The following TOX variants were observed in gnomAD, a reference collection of about 807,000 sequenced individuals.
TOX encodes the protein thymocyte selection associated high mobility group box.
TOX carries 11 observed loss-of-function variants against 53.7 expected under a neutral mutation model. The ratio of observed to expected loss-of-function variants is 0.20; its 90% CI spans 0.13 to 0.34. The LOEUF (loss-of-function observed/expected upper bound fraction) is 0.34, where lower values mean the gene tolerates loss of function less well. TOX is among the 10% of genes least tolerant of loss of function. The pLI, the probability that TOX is intolerant of heterozygous loss-of-function variation, is 1.00. For synonymous variants in TOX, 225 were observed against 245.3 expected (o/e 0.92, Z 0.77); for missense variants, 570 against 664.6 (o/e 0.86, Z 1.56).
intron 2 of TOX, among the ~76,000 whole-genome samples, chr8:58,956,638 G>T (rs1246650525): frequency 1.3e-5 from 2 of 152,140 alleles, no homozygotes; most frequent in African/African-American, 4.8e-5. Context: ...ATCTTGCTCT[G>T]TTGCCCAGGC....
intron 3 of TOX, among the ~76,000 whole-genome samples, chr8:58,901,792 A>G (rs888221468): frequency 2.0e-5 from 3 of 152,182 alleles, no homozygotes; most frequent in Admixed American, 1.3e-4. Flanking sequence ...GTTTATAAAT[A>G]TGTGGTACAT....
chr8:59,054,817 G>A (rs1271487377), intron 1 of TOX, among the ~76,000 whole-genome samples: 1 of 126,940 alleles, frequency 7.9e-6, no homozygotes, highest in Non-Finnish European at 1.7e-5. Context: ...AGAGAAGGAA[G>A]AAAGAGAGAA....
intron 3 of TOX, among the ~76,000 whole-genome samples, chr8:58,937,929 T>C (rs1812373939): frequency 6.6e-6 from 1 of 152,148 alleles, no homozygotes; most frequent in Admixed American, 6.5e-5. Flanking sequence ...TACACTGAAA[T>C]ACATTTTTCA....
chr8:58,894,989 A>G (rs1585885956), intron 3 of TOX, among the ~76,000 whole-genome samples: 1 of 152,070 alleles, frequency 6.6e-6, no homozygotes, highest in Admixed American at 6.5e-5. Context: ...GGAGTTTGAG[A>G]CCAGCCTGGC....
chr8:59,067,765 G>T (rs1008720712), intron 1 of TOX, among the ~76,000 whole-genome samples: 1 of 151,686 alleles, frequency 6.6e-6, no homozygotes, highest in Non-Finnish European at 1.5e-5. Flanking sequence ...TTACAACTGG[G>T]TCACGAGGTT....
intron 1 of TOX, among the ~76,000 whole-genome samples, chr8:59,025,253 T>C (rs1814213192): frequency 1.3e-5 from 2 of 152,200 alleles, no homozygotes; most frequent in South Asian, 2.1e-4. Context: ...ATTTCTCGAG[T>C]GGGACTTCAT....
intron 1 of TOX, among the ~76,000 whole-genome samples, chr8:59,034,068 C>G (rs938987169): frequency 1.3e-5 from 2 of 152,218 alleles, no homozygotes; most frequent in African/African-American, 4.8e-5. Flanking sequence ...GTATCCTCCC[C>G]AACGAGTTCC....
chr8:58,975,042 AGCAG>A (rs1341772166), intron 1 of TOX, among the ~76,000 whole-genome samples: 3 of 152,070 alleles, frequency 2.0e-5, no homozygotes, highest in African/African-American at 7.2e-5. Context: ...CTTACTAGAT[AGCAG>A]GCAGGAATTA....
chr8:58,970,608 A>G (rs1302254813), intron 1 of TOX, among the ~76,000 whole-genome samples: 5 of 152,170 alleles, frequency 3.3e-5, no homozygotes, highest in African/African-American at 1.2e-4. Context: ...CTGTGCTTTA[A>G]GGCATCTTGT....
chr8:58,911,756 T>G (rs1585896115), intron 3 of TOX, among the ~76,000 whole-genome samples: 1 of 152,092 alleles, frequency 6.6e-6, no homozygotes, highest in Non-Finnish European at 1.5e-5. Flanking sequence ...CAGGCTGGAG[T>G]GCAATGGTGC....
chr8:59,048,219 C>T (rs375848550), intron 1 of TOX, among the ~76,000 whole-genome samples: 12 of 152,304 alleles, frequency 7.9e-5, no homozygotes, highest in East Asian at 7.7e-4. Flanking sequence ...TATATCCTGG[C>T]AGCTTTCAGT....
intron 1 of TOX, among the ~76,000 whole-genome samples, chr8:58,961,670 G>A (rs1172143617): frequency 1.3e-5 from 2 of 152,082 alleles, no homozygotes; most frequent in Admixed American, 1.3e-4. Context: ...TGGGACTACA[G>A]GTGCCCACCA....
intron 4 of TOX, among the ~76,000 whole-genome samples, chr8:58,849,242 CACTTAA>C (rs1173596596): frequency 1.3e-5 from 2 of 152,098 alleles, no homozygotes; most frequent in Non-Finnish European, 2.9e-5. Context: ...ATGGAAAATA[CACTTAA>C]ACTTAACATG....
At chr8:58,907,120 C>T (rs77188022) in intron 3 of TOX, among the ~76,000 whole-genome samples, 6,346 of 152,252 alleles carry the variant, frequency 0.042, 437 homozygotes, top group African/African-American at 0.14. Flanking sequence ...TCCGACTTCT[C>T]CATCCCTCCT....
chr8:59,109,493 A>T (rs903331006), intron 1 of TOX, among the ~76,000 whole-genome samples: 2 of 152,042 alleles, frequency 1.3e-5, no homozygotes, highest in African/African-American at 4.8e-5. Context: ...AGGGGTGCTG[A>T]CCTTTGCTAT....
At chr8:59,094,243 A>G (rs56168538) in intron 1 of TOX, among the ~76,000 whole-genome samples, 16,687 of 152,266 alleles carry the variant, frequency 0.11, 1,533 homozygotes, top group African/African-American at 0.25. Flanking sequence ...GAACTAGAGG[A>G]GAAAGTAGGA....
chr8:58,815,203 G>C (rs1179530074), intron 7 of TOX, 135 bp downstream of exon 7: 1 of 1,179,136 alleles, frequency 8.5e-7, no homozygotes, highest in Non-Finnish European at 1.1e-6. Flanking sequence ...AATATCTTTA[G>C]TGCTCTCTTG....
chr8:58,861,966 C>T (rs1811018739), intron 3 of TOX, among the ~76,000 whole-genome samples: 2 of 152,068 alleles, frequency 1.3e-5, no homozygotes, highest in African/African-American at 4.8e-5. Context: ...AAAATTAAAA[C>T]CTTATATTCT....
intron 1 of TOX, among the ~76,000 whole-genome samples, chr8:59,024,096 A>G (rs1814191657): frequency 6.6e-6 from 1 of 152,202 alleles, no homozygotes; most frequent in African/African-American, 2.4e-5. Flanking sequence ...TCCTTCTCTG[A>G]ATCTGTGTCT....
Sources: gnomAD v4.1 joint callset for allele counts (sites outside exome capture counted in the v4.1 genomes callset) on GRCh38, gnomAD v4.1.1 for gene constraint, MANE v1.5 for transcripts, NCBI Gene and HGNC (gene_info 2026-07-23, HGNC 2026-07-21) for gene names.